Variants in COL4A6 observed in about 807,000 individuals in gnomAD.
The protein encoded by COL4A6 is collagen alpha-6(IV) chain.
A neutral mutation model predicts 126.7 loss-of-function variants in COL4A6; 59 were observed. The ratio of observed to expected loss-of-function variants is 0.47; its 90% confidence interval spans 0.38 to 0.58. The LOEUF (loss-of-function observed/expected upper bound fraction) is 0.58, where lower values mean the gene tolerates loss of function less well. Among genes scored for constraint, COL4A6 ranks in the 20% least tolerant of loss-of-function variants. The probability of loss-of-function intolerance (pLI) is 0.00; values close to 1 mark genes in which losing one functional copy is unlikely to be tolerated. For synonymous variants in COL4A6, 547 were observed against 496.6 expected (o/e 1.10, Z -1.35); for missense variants, 1,285 against 1,337.3 (o/e 0.96, Z 0.61).
At chrX:108,355,501 C>T (rs774164914) in intron 2 of COL4A6, among the ~76,000 whole-genome samples, 4 of 112,309 alleles carry the variant, frequency 3.6e-5, no homozygotes, top group Non-Finnish European at 7.5e-5. Flanking sequence ...ACAAGGCAGA[C>T]AAGGTCCCTG....
chrX:108,417,801 T>G (rs2041462171), intron 2 of COL4A6, among the ~76,000 whole-genome samples: 1 of 112,050 alleles, frequency 8.9e-6, no homozygotes, highest in South Asian at 3.7e-4. Context: ...TATCAAATAT[T>G]CTACATTCTT....
At chrX:108,167,579 G>A (rs7879705) in intron 37 of COL4A6, among the ~76,000 whole-genome samples, 24,886 of 110,110 alleles carry the variant, frequency 0.23, 2,534 homozygotes, top group East Asian at 0.56. Context: ...CAAGCAATCT[G>A]CCTGCCATGG....
Position 108,194,974 on chromosome X carries a change from C to G in COL4A6, c.948+108G>C, listed in dbSNP as rs147604803. On this transcript the variant is annotated intron_variant, in intron 15 of 44. Coordinates refer to ENST00000334504, the MANE Select transcript of COL4A6 (RefSeq NM_033641.4). Reference sequence around the variant, plus strand: ...TTATACCAAAAAAAAGGGAGATGAACAATTTGCATTATAAGTAATGTCTCC... The same window carrying G: ...TTATACCAAAAAAAAGGGAGATGAAGAATTTGCATTATAAGTAATGTCTCC... The G allele has an allele frequency of 6.5e-6, 4 of 614,457 alleles. No individual in the cohort carries two copies. The African/African-American group carries it at 9.1e-5, about 14-fold the overall frequency. 50.6% of individuals were successfully genotyped at this position (614,457 alleles called of 1,213,427 possible). A position where few individuals can be genotyped will look rare whatever the true frequency, so the allele number is the denominator to read the frequency against.
intron 6 of COL4A6, among the ~76,000 whole-genome samples, chrX:108,213,311 T>C (rs754362471): frequency 2.7e-5 from 3 of 112,221 alleles, no homozygotes; most frequent in African/African-American, 6.5e-5. Context: ...TGACAATGAG[T>C]CTGAAATGTG....
chrX:108,179,665 C>G (rs187922431), intron 25 of COL4A6, among the ~76,000 whole-genome samples: 1 of 109,505 alleles, frequency 9.1e-6, no homozygotes, highest in Non-Finnish European at 1.9e-5. Context: ...GGGCTGTGGG[C>G]GGAGGTCCAC....
intron 3 of COL4A6, among the ~76,000 whole-genome samples, chrX:108,304,041 C>T (rs762602803): frequency 2.7e-5 from 3 of 111,650 alleles, no homozygotes; most frequent in Non-Finnish European, 5.6e-5. Flanking sequence ...TCTCATCCCA[C>T]CTATGGGAAA....
intron 2 of COL4A6, among the ~76,000 whole-genome samples, chrX:108,320,588 A>C (rs2039002808): frequency 1.8e-5 from 2 of 111,511 alleles, no homozygotes; most frequent in East Asian, 2.8e-4. Context: ...AAAGAAATGC[A>C]TCGGTTTTAG....
intron 15 of COL4A6, 93 bp downstream of exon 15, chrX:108,194,989 G>A: frequency 3.0e-6 from 2 of 671,883 alleles, no homozygotes; most frequent in Middle Eastern, 3.1e-4. Flanking sequence ...TGCATTATAA[G>A]TAATGTCTCC....
chrX:108,436,794 C>T (rs1569467503), intron 2 of COL4A6, among the ~76,000 whole-genome samples: 1 of 111,828 alleles, frequency 8.9e-6, no homozygotes, highest in African/African-American at 3.2e-5. Context: ...AGAAAAATAG[C>T]TTCACTCTGG....
intron 3 of COL4A6, among the ~76,000 whole-genome samples, chrX:108,306,177 T>C (rs760998321): frequency 1.8e-5 from 2 of 111,954 alleles, no homozygotes; most frequent in Non-Finnish European, 3.8e-5. Flanking sequence ...GTGTCTTATA[T>C]AGCAGGGCCA....
chrX:108,222,551 G>A (rs2036047678), intron 3 of COL4A6, among the ~76,000 whole-genome samples: 2 of 112,039 alleles, frequency 1.8e-5, no homozygotes, highest in Middle Eastern at 4.6e-3. Context: ...GTGGCCACCA[G>A]CTGTGATGAT....
At chrX:108,291,097 T>G (rs962331018) in intron 3 of COL4A6, among the ~76,000 whole-genome samples, 4 of 112,003 alleles carry the variant, frequency 3.6e-5, no homozygotes, top group Non-Finnish European at 7.5e-5. Flanking sequence ...GCCCTCTCAT[T>G]CACAGAATCA....
At chrX:108,233,229 C>T (rs1229932195) in intron 3 of COL4A6, among the ~76,000 whole-genome samples, 1 of 111,886 alleles carries the variant, frequency 8.9e-6, no homozygotes, top group African/African-American at 3.2e-5. Context: ...CACTTCAGAG[C>T]GATTTTTGCT....
chrX:108,185,082 A>C (rs1464804324), intron 23 of COL4A6, among the ~76,000 whole-genome samples: 2 of 112,119 alleles, frequency 1.8e-5, no homozygotes, highest in South Asian at 7.5e-4. Flanking sequence ...TCCAACAGGC[A>C]GAATGATTTT....
At chrX:108,385,728 T>A (rs188245228) in intron 2 of COL4A6, among the ~76,000 whole-genome samples, 20 of 111,774 alleles carry the variant, frequency 1.8e-4, no homozygotes, top group African/African-American at 5.8e-4. Flanking sequence ...TTTCTTTTTT[T>A]AAATTATACT....
intron 2 of COL4A6, among the ~76,000 whole-genome samples, chrX:108,426,539 G>A (rs1444282915): frequency 1.8e-5 from 2 of 112,094 alleles, no homozygotes; most frequent in Non-Finnish European, 3.8e-5. Flanking sequence ...GGTCTCTACA[G>A]GAAATCACAA....
intron 2 of COL4A6, among the ~76,000 whole-genome samples, chrX:108,370,218 T>C: frequency 8.9e-6 from 1 of 112,287 alleles, no homozygotes; most frequent in East Asian, 2.8e-4. Flanking sequence ...TGGTTTTTCA[T>C]TTTTACTTTT....
At chrX:108,242,087 C>T (rs890354837) in intron 3 of COL4A6, among the ~76,000 whole-genome samples, 1 of 108,296 alleles carries the variant, frequency 9.2e-6, no homozygotes, top group African/African-American at 3.4e-5. Context: ...TCTCAACCTC[C>T]TGAATTGCCA....
At chrX:108,158,647 C>A (rs1173184518) in intron 44 of COL4A6, among the ~76,000 whole-genome samples, 1 of 112,021 alleles carries the variant, frequency 8.9e-6, no homozygotes, top group African/African-American at 3.2e-5. Flanking sequence ...AGGAAAAGTA[C>A]CTTTCCCCAG....
Sources: gnomAD v4.1 joint callset for allele counts (sites outside exome capture counted in the v4.1 genomes callset) on GRCh38, gnomAD v4.1.1 for gene constraint, MANE v1.5 for transcripts, NCBI Gene and HGNC (gene_info 2026-07-23, HGNC 2026-07-21) for gene names.